Variants in DUOXA2 observed in about 807,000 individuals in gnomAD.
The protein encoded by DUOXA2 is dual oxidase maturation factor 2.
Under a neutral mutation model 27.6 loss-of-function variants are expected in DUOXA2, and 22 were observed. That is an observed-to-expected ratio of 0.80 (90% CI 0.57 to 1.14). DUOXA2 has a LOEUF of 1.14. Among genes scored for constraint, DUOXA2 ranks in the 50% most tolerant of loss-of-function variants. DUOXA2 has a pLI of 0.00. For missense variants in DUOXA2, 481 were observed against 419.9 expected, an observed-to-expected ratio of 1.15 and a Z score of -1.27; for synonymous variants, 188 against 184.4, an observed-to-expected ratio of 1.02 and a Z score of -0.16.
rs184512789 is a variant in DUOXA2 at position 45,115,889 on chromosome 15, C to T, written c.205+33C>T. On this transcript the variant is annotated intron_variant, in intron 2 of 5. Transcript: ENST00000323030. ...TGTGGTGCAGCCCATGGGGAGAGGA[C>T]GGGGTGAGGAAGGAGGTGGGCAGAG... 1.8e-4 allele frequency: 297 copies of T among 1,613,726 alleles called. 3 individuals are homozygous for T. Among genetic ancestry groups the T allele is most frequent in the African/African-American group, 1.7e-3 (125 of 74,946 alleles).
At position 45,118,212 on chromosome 15, in the gene DUOXA2, A is replaced by T; in HGVS notation, c.*303A>T. ...TAGTACACTCTCCGCAGTGCTGTGAAACCTGATTCTCTGCGTCGACTCCAG... is the reference window on the plus strand; with the variant it reads ...TAGTACACTCTCCGCAGTGCTGTGATACCTGATTCTCTGCGTCGACTCCAG... On this transcript the variant is annotated 3_prime_UTR_variant, in exon 6 of 6. Transcript: ENST00000323030. 7.1e-7 allele frequency: 1 copy of T among 1,414,744 alleles called. No homozygotes were observed. The highest frequency in any genetic ancestry group is 2.6e-5 in the East Asian group (1 of 38,816). 87.6% of individuals were successfully genotyped at this position (1,414,744 alleles called of 1,614,324 possible). A position where few individuals can be genotyped will look rare whatever the true frequency, so the allele number is the denominator to read the frequency against.
rs750438741 is a variant in DUOXA2 at position 45,117,767 on chromosome 15, G to A, written c.821G>A (p.Arg274Gln). Residue 274 changes from arginine (R) to glutamine (Q), a missense_variant, in exon 6 of 6, where the codon CGG (arginine) becomes CAG (glutamine). By Grantham distance (43) the Arg-to-Gln change is conservative (BLOSUM62 1). Coordinates refer to ENST00000323030, the MANE Select transcript of DUOXA2 (RefSeq NM_207581.4). ...GGAVVSLQYV[R>Q]PSALRTLLDQ... Reference sequence around the variant, plus strand: ...GCCGTGGTGAGTCTCCAGTATGTTCGGCCCAGCGCTCTTCGCACCCTTCTG... The same window carrying A: ...GCCGTGGTGAGTCTCCAGTATGTTCAGCCCAGCGCTCTTCGCACCCTTCTG... The A allele has an allele frequency of 2.5e-6, 4 of 1,613,772 alleles. No homozygotes were observed. In the South Asian group the frequency reaches 4.4e-5, roughly 18 times the overall value.
In DUOXA2 at chr15:45,114,707, A is replaced by G; in HGVS notation, c.102A>G (p.Leu34=). ...TCGTTATTCTAGTGTTTTTGGCTCTAGCAGCAAGCTTCCTGCTCATCTTGC... is the reference window on the plus strand; with the variant it reads ...TCGTTATTCTAGTGTTTTTGGCTCTGGCAGCAAGCTTCCTGCTCATCTTGC... The part of the protein sequence containing the change: ...LLIVILVFLA[L]AASFLLILPG... Residue 34 remains leucine (L), a synonymous_variant, in exon 1 of 6, where the codon CTA becomes CTG. Transcript: ENST00000323030. 6.2e-7 allele frequency: 1 copy of G among 1,614,232 alleles called. No homozygotes were observed. Among genetic ancestry groups the G allele is most frequent in the Non-Finnish European group, 8.5e-7 (1 of 1,180,040 alleles).
At chr15:45,116,882 C>T (rs1390991311) in intron 4 of DUOXA2, 153 bp downstream of exon 4, 17 of 1,026,630 alleles carry the variant, frequency 1.7e-5, no homozygotes, top group Non-Finnish European at 2.2e-5. Flanking sequence ...TTAGAAGATC[C>T]ACGAGATCTG....
intron 3 of DUOXA2, 35 bp from the exon 4 acceptor site, chr15:45,116,481 C>CTTAGTT (rs751830370): frequency 6.2e-7 from 1 of 1,610,854 alleles, no homozygotes; most frequent in Non-Finnish European, 8.5e-7. Flanking sequence ...GGTCTCCGAC[C>CTTAGTT]GCGGGCAGCC....
At position 45,116,686 on chromosome 15, in the gene DUOXA2, C is replaced by A; in HGVS notation, c.511C>A (p.His171Asn). Residue 171 changes from histidine (H) to asparagine (N), a missense_variant, in exon 4 of 6, where the codon CAC (histidine) becomes AAC (asparagine). Coordinates refer to ENST00000323030, the MANE Select transcript of DUOXA2 (RefSeq NM_207581.4). Reference sequence around the variant, plus strand: ...ACCGAGTAGCCCTTGCGGCCTGTACCACCAGTACCACCTGGCGGGACACTA... The same window carrying A: ...ACCGAGTAGCCCTTGCGGCCTGTACAACCAGTACCACCTGGCGGGACACTA... ...FTPSSPCGLY[H>N]QYHLAGHYAS... 1 of 1,613,678 alleles carries A rather than the reference C, an allele frequency of 6.2e-7. No homozygotes were observed. Among genetic ancestry groups the A allele is most frequent in the South Asian group, 1.1e-5 (1 of 91,090 alleles).
rs1894801516 is a variant in DUOXA2, at chr15:45,118,064, G to C, written c.*155G>C. On this transcript the variant is annotated 3_prime_UTR_variant, in exon 6 of 6. Transcript: ENST00000323030. ...GCAGGCACCAGGGAAAGTCTCCTGGGGCGATCTGTAAATAAACCTTTTTTT... is the reference window on the plus strand; with the variant it reads ...GCAGGCACCAGGGAAAGTCTCCTGGCGCGATCTGTAAATAAACCTTTTTTT... 2 of 1,555,268 alleles carry C rather than the reference G, an allele frequency of 1.3e-6. No individual in the cohort carries two copies. The highest frequency in any genetic ancestry group is 8.7e-7 in the Non-Finnish European group (1 of 1,152,650).
rs367768127 is a variant in DUOXA2, at chr15:45,116,259, G to A, written c.340+1G>A. The A allele has an allele frequency of 7.4e-6, 12 of 1,613,828 alleles. No homozygotes were observed. In the African/African-American group the frequency reaches 1.5e-4, roughly 20 times the overall value. Reference sequence around the variant, plus strand: ...GAGGGCATTAATATTACACTCACAGGTGAGGGGGCTGGGGCTAAATGAACT... The same window carrying A: ...GAGGGCATTAATATTACACTCACAGATGAGGGGGCTGGGGCTAAATGAACT... On this transcript the variant is annotated splice_donor_variant, in intron 3 of 5. Coordinates refer to ENST00000323030, the MANE Select transcript of DUOXA2 (RefSeq NM_207581.4). LOFTEE classifies it high-confidence loss of function.
rs774362883 is a variant in DUOXA2 at position 45,116,234 on chromosome 15, G to A, written c.316G>A (p.Glu106Lys). 2 of 1,614,022 alleles carry A rather than the reference G, an allele frequency of 1.2e-6. No homozygotes were observed. The highest frequency in any genetic ancestry group is 1.7e-5 in the Admixed American group (1 of 60,016). ...TARVRLLVGL[E>K]GINITLTGTP... ...CCGTGTCCGTCTGCTCGTGGGCCTG[G>A]AGGGCATTAATATTACACTCACAGG... The change falls in exon 3 of 6, where the codon GAG becomes AAG. Residue 106 changes from glutamate (E) to lysine (K), a missense_variant. Transcript: ENST00000323030.
intron 4 of DUOXA2, 160 bp from the exon 5 acceptor site, chr15:45,116,931 A>T: frequency 9.4e-7 from 1 of 1,062,452 alleles, no homozygotes; most frequent in Non-Finnish European, 1.4e-6. Flanking sequence ...CACCGCCTGG[A>T]CCTCAGGAGC....
At chr15:45,117,575 G>A in intron 5 of DUOXA2, 141 bp from the exon 6 acceptor site, 1 of 1,603,990 alleles carries the variant, frequency 6.2e-7, no homozygotes, top group South Asian at 1.1e-5. Flanking sequence ...GATGGAAGAA[G>A]GCCCGGGCAT....
intron 3 of DUOXA2, 56 bp downstream of exon 3, chr15:45,116,314 A>G: frequency 1.2e-6 from 2 of 1,608,394 alleles, no homozygotes; most frequent in Non-Finnish European, 1.7e-6. Context: ...CGGTTAGGTG[A>G]GTGTGTCAGG....
rs898774082 is a variant in DUOXA2, at chr15:45,116,508, C to T, written c.341-8C>T. The T allele has an allele frequency of 1.2e-6, 2 of 1,613,586 alleles. No homozygotes were observed. The highest frequency in any genetic ancestry group is 8.5e-7 in the Non-Finnish European group (1 of 1,179,988). Reference sequence around the variant, plus strand: ...CGGGCAGCCCCATGAGCCCGCCTCACCCCACAGGGACCCCAGTGCATCAGC... The same window carrying T: ...CGGGCAGCCCCATGAGCCCGCCTCATCCCACAGGGACCCCAGTGCATCAGC... On this transcript the variant is annotated splice_region_variant and splice_polypyrimidine_tract_variant and intron_variant, in intron 3 of 5. Transcript: ENST00000323030.
In DUOXA2 at chr15:45,114,601, G is replaced by A; in HGVS notation, c.-5G>A. The A allele has an allele frequency of 6.2e-7, 1 of 1,613,794 alleles. No homozygotes were observed. Among genetic ancestry groups the A allele is most frequent in the Non-Finnish European group, 8.5e-7 (1 of 1,179,962 alleles). On this transcript the variant is annotated 5_prime_UTR_variant, in exon 1 of 6. Coordinates refer to ENST00000323030, the MANE Select transcript of DUOXA2 (RefSeq NM_207581.4). Reference sequence around the variant, plus strand: ...CCTGCGTGCAGCACTCGGCCGGCGTGCAGCATGACCCTGTGGAACGGCGTA... The same window carrying A: ...CCTGCGTGCAGCACTCGGCCGGCGTACAGCATGACCCTGTGGAACGGCGTA...
At chr15:45,116,759 G>T in intron 4 of DUOXA2, 30 bp downstream of exon 4, 1 of 1,526,160 alleles carries the variant, frequency 6.6e-7, no homozygotes, top group Non-Finnish European at 8.8e-7. Flanking sequence ...CTGTGTGCAC[G>T]TGTGTGTGTG....
intron 4 of DUOXA2, 92 bp downstream of exon 4, chr15:45,116,821 C>T (rs1894658282): frequency 1.4e-6 from 2 of 1,438,144 alleles, no homozygotes; most frequent in Non-Finnish European, 1.9e-6. Flanking sequence ...AGGCGCTGAG[C>T]AGCTGCAGCC....
chr15:45,117,441 A>G (rs969978440), intron 5 of DUOXA2, 136 bp downstream of exon 5: 7 of 1,532,756 alleles, frequency 4.6e-6, no homozygotes, highest in Non-Finnish European at 6.2e-6. Flanking sequence ...AGAAACAGGC[A>G]CTGTTATGAC....
intron 5 of DUOXA2, 110 bp from the exon 6 acceptor site, chr15:45,117,606 T>G: frequency 6.2e-7 from 1 of 1,613,396 alleles, no homozygotes; most frequent in South Asian, 1.1e-5. Flanking sequence ...ATCCCAGCAC[T>G]TTGGGAGGTC....
At chr15:45,116,796 G>A in intron 4 of DUOXA2, 67 bp downstream of exon 4, 2 of 1,565,902 alleles carry the variant, frequency 1.3e-6, no homozygotes, top group Non-Finnish European at 1.7e-6. Flanking sequence ...ATGAGCGGGA[G>A]GATGCAGGCC....
Sources: allele counts gnomAD v4.1 joint callset, GRCh38; gene constraint gnomAD v4.1.1; transcripts MANE v1.5; gene names NCBI Gene and HGNC (gene_info 2026-07-23, HGNC 2026-07-21).